The following COL5A1 variants were observed in gnomAD, a reference collection of about 807,000 sequenced individuals.
COL5A1 encodes collagen type V alpha 1 chain.
In COL5A1, 16 loss-of-function variants were observed where a neutral mutation model predicts 263.7. That is an observed-to-expected ratio of 0.06 (90% confidence interval 0.04 to 0.09). The LOEUF (loss-of-function observed/expected upper bound fraction) is 0.09, where lower values mean the gene tolerates loss of function less well. Among genes scored for constraint, COL5A1 ranks in the 10% least tolerant of loss-of-function variants. The probability of loss-of-function intolerance (pLI) is 1.00; values close to 1 mark genes in which losing one functional copy is unlikely to be tolerated. For synonymous variants in COL5A1, 1,012 were observed against 1,004.5 expected (o/e 1.01, Z -0.14); for missense variants, 2,036 against 2,540.5 (o/e 0.80, Z 4.27).
At chr9:134,811,196 C>A in intron 44 of COL5A1, 143 bp from the exon 45 acceptor site, 1 of 803,534 alleles carries the variant, frequency 1.2e-6, no homozygotes, top group Non-Finnish European at 2.2e-6. Flanking sequence ...AGGCTTGCAT[C>A]GTGGTGCAAG....
In COL5A1 at chr9:134,841,886, G is replaced by A. The variant is rs1485148607; in HGVS notation, c.5371-271G>A. ...TCCTGTGTGTGCCTCAGCCACCCCT[G>A]AAGCCTTGGGAGGGTCCTGTCGCCT... On this transcript the variant is annotated intron_variant, in intron 65 of 65. Coordinates refer to ENST00000371817, the MANE Select transcript of COL5A1 (RefSeq NM_000093.5). This position sits in a 1 kb window ranked among gnomAD's most constrained non-coding sequence, Gnocchi z 4.8. Among the ~76,000 whole-genome samples the A allele has an allele frequency of 6.6e-6, 1 of 152,116 alleles. No homozygotes were observed. Among genetic ancestry groups the A allele is most frequent in the East Asian group, 1.9e-4 (1 of 5,184 alleles).
At chr9:134,761,157 CGCAT>C (rs1564441693) in intron 18 of COL5A1, among the ~76,000 whole-genome samples, 19 of 145,520 alleles carry the variant, frequency 1.3e-4, no homozygotes, top group African/African-American at 4.8e-4. Flanking sequence ...GCCACGCACA[CGCAT>C]ACACACCTAT....
At chr9:134,816,354 A>G (rs551406401) in intron 52 of COL5A1, among the ~76,000 whole-genome samples, 1 of 150,582 alleles carries the variant, frequency 6.6e-6, no homozygotes, top group Admixed American at 6.6e-5. Flanking sequence ...CCTTACCTTG[A>G]CCGAGATCAC....
At position 134,841,954 on chromosome 9, in the gene COL5A1, A is replaced by G. The variant is rs1349496520; in HGVS notation, c.5371-203A>G. Reference sequence around the variant, plus strand: ...CCCCACCTCCGACCTGTGCAGGGGGACTCTTGGGACATCCACCGGGGTTAA... The same window carrying G: ...CCCCACCTCCGACCTGTGCAGGGGGGCTCTTGGGACATCCACCGGGGTTAA... On this transcript the variant is annotated intron_variant, in intron 65 of 65. Coordinates refer to ENST00000371817, the MANE Select transcript of COL5A1 (RefSeq NM_000093.5). The surrounding 1 kb of genome is among the most constrained non-coding windows in gnomAD (Gnocchi z 4.8). Among the ~76,000 whole-genome samples, 3 of 151,082 alleles carry G rather than the reference A, an allele frequency of 2.0e-5. No individual in the cohort carries two copies. Among genetic ancestry groups the G allele is most frequent in the African/African-American group, 4.9e-5 (2 of 40,996 alleles).
chr9:134,704,752 A>G (rs1371779769), intron 4 of COL5A1, among the ~76,000 whole-genome samples: 1 of 151,148 alleles, frequency 6.6e-6, no homozygotes, highest in Non-Finnish European at 1.5e-5. Flanking sequence ...AATGAAGTCC[A>G]GCAGGATCAG....
Position 134,812,692 on chromosome 9 carries a change from C to T in COL5A1, c.3832C>T (p.Pro1278Ser). The T allele has an allele frequency of 6.3e-7, 1 of 1,583,930 alleles. No homozygotes were observed. The highest frequency in any genetic ancestry group is 1.8e-5 in the Admixed American group (1 of 54,192). Residue 1278 changes from proline to serine, a missense_variant, in exon 48 of 66, where the codon CCT becomes TCT. Pro to Ser is a moderately conservative substitution (Grantham distance 74, BLOSUM62 -1). Around this residue, in one of 3 missense-constraint regions of COL5A1, gnomAD observed 1,078 missense variants for 1,521.4 expected, o/e 0.71. Transcript: ENST00000371817. ...AGGTCCCCCAGGTGGAATAGGAAAC[C>T]CTGGTGCAGTGGGAGAGAAGGTGAG... Reference protein sequence around the residue: ...PQGPPGGIGNPGAVGEKGEPG... With the variant: ...PQGPPGGIGNSGAVGEKGEPG...
rs1210654442 is a variant in COL5A1, at chr9:134,642,205, C to T, written c.18C>T (p.Arg6=). Reference sequence around the variant, plus strand: ...CCGCCGGCATGGACGTCCATACCCGCTGGAAAGCGCGCAGCGCGCTCCGCC... The same window carrying T: ...CCGCCGGCATGGACGTCCATACCCGTTGGAAAGCGCGCAGCGCGCTCCGCC... MDVHT[R]WKARSALRPG... is the part of the protein sequence containing the mutation. The change falls in exon 1 of 66, where the codon CGC becomes CGT. Residue 6 remains arginine (R), a synonymous_variant. Transcript: ENST00000371817. This position sits in a 1 kb window ranked among gnomAD's most constrained non-coding sequence, Gnocchi z 4.5. 1.5e-6 allele frequency: 2 copies of T among 1,306,096 alleles called. No homozygotes were observed. The highest frequency in any genetic ancestry group is 2.0e-6 in the Non-Finnish European group (2 of 1,025,462). The allele number at this position is 1,306,096 out of a possible 1,614,324, so 80.9% of individuals were successfully genotyped here. A position where few individuals can be genotyped will look rare whatever the true frequency, so the allele number is the denominator to read the frequency against.
rs777162668 is a variant in COL5A1 at position 134,820,235 on chromosome 9, G to A, written c.4554+12G>A. 10 of 1,602,644 alleles carry A rather than the reference G, an allele frequency of 6.2e-6. No homozygotes were observed. The highest frequency in any genetic ancestry group is 8.5e-6 in the Non-Finnish European group (10 of 1,170,146). On this transcript the variant is annotated intron_variant, in intron 58 of 65. Transcript: ENST00000371817. ...CTAAGGGAGAACAGGTGCGTGAGAT[G>A]GCACTTCTTGCATGTGGGCTGTCGA...
At chr9:134,649,271 T>C in intron 1 of COL5A1, 2 of 333,738 alleles carry the variant, frequency 6.0e-6, no homozygotes, top group South Asian at 4.9e-5. Flanking sequence ...CAGCTTCCTA[T>C]CAGCAGAGGA....
chr9:134,713,820 G>A (rs187322830), intron 4 of COL5A1, among the ~76,000 whole-genome samples: 3 of 152,278 alleles, frequency 2.0e-5, no homozygotes, highest in African/African-American at 7.2e-5. Flanking sequence ...AAAGAACTGG[G>A]GTCTGAACCC....
intron 18 of COL5A1, among the ~76,000 whole-genome samples, chr9:134,760,090 G>GCACACACA (rs1248190659): frequency 5.0e-4 from 16 of 31,888 alleles, no homozygotes; most frequent in African/African-American, 2.4e-3. Context: ...ACGCATACAC[G>GCACACACA]CCCACACACC....
At chr9:134,759,543 G>GCA (rs139856767) in intron 18 of COL5A1, among the ~76,000 whole-genome samples, 53,938 of 104,830 alleles carry the variant, frequency 0.51, 15,310 homozygotes, top group East Asian at 0.71. Context: ...CCACACATGC[G>GCA]CACACACACT....
chr9:134,840,486 C>T (rs1333871301), intron 65 of COL5A1, among the ~76,000 whole-genome samples: 1 of 152,198 alleles, frequency 6.6e-6, no homozygotes, highest in African/African-American at 2.4e-5. Context: ...TTATCCATTG[C>T]TTGTAATCAA....
chr9:134,761,408 A>T (rs1263375615), intron 18 of COL5A1, among the ~76,000 whole-genome samples: 1 of 152,194 alleles, frequency 6.6e-6, no homozygotes, highest in Non-Finnish European at 1.5e-5. Flanking sequence ...GTTGCCATTT[A>T]TCCAAAGCTG....
intron 4 of COL5A1, chr9:134,709,177 C>T (rs1418750560): frequency 5.1e-5 from 18 of 350,720 alleles, no homozygotes; most frequent in Non-Finnish European, 9.0e-5. Flanking sequence ...CCTACACCAG[C>T]GTGGAAAAGG....
intron 35 of COL5A1, 88 bp downstream of exon 35, chr9:134,796,506 C>G (rs1837915358): frequency 7.4e-7 from 1 of 1,356,986 alleles, no homozygotes; most frequent in Non-Finnish European, 1.1e-6. Flanking sequence ...GGGCTGGGGC[C>G]AGGGAGGCAC....
intron 24 of COL5A1, 111 bp downstream of exon 24, chr9:134,767,465 G>A: frequency 3.0e-6 from 3 of 1,005,470 alleles, no homozygotes; most frequent in South Asian, 1.4e-5. Flanking sequence ...ATATCTTGGT[G>A]CTCCCAAGAG....
chr9:134,710,598 A>G (rs1255519253), intron 4 of COL5A1, among the ~76,000 whole-genome samples: 3 of 4,654 alleles, frequency 6.4e-4, no homozygotes, highest in African/African-American at 8.8e-4. Flanking sequence ...GGGGGGGCCC[A>G]TTTGTTGGGT....
Position 134,758,310 on chromosome 9 carries a change from C to T in COL5A1, c.1935+14C>T. 1 of 1,613,680 alleles carries T rather than the reference C, an allele frequency of 6.2e-7. No individual in the cohort carries two copies. The highest frequency in any genetic ancestry group is 8.5e-7 in the Non-Finnish European group (1 of 1,179,662). ...AAGGGCCACAGGGTGAGTATTTCCTCTGTGAGACACAGGCATGACGATGGG... is the reference window on the plus strand; with the variant it reads ...AAGGGCCACAGGGTGAGTATTTCCTTTGTGAGACACAGGCATGACGATGGG... On this transcript the variant is annotated intron_variant, in intron 18 of 65. Coordinates refer to ENST00000371817, the MANE Select transcript of COL5A1 (RefSeq NM_000093.5). The surrounding 1 kb of genome is among the most constrained non-coding windows in gnomAD (Gnocchi z 4.1).
Sources: gnomAD v4.1 joint callset for allele counts (sites outside exome capture counted in the v4.1 genomes callset) on GRCh38, gnomAD v4.1.1 for gene constraint, gnomAD v4.1.1 regional missense constraint, Gnocchi (gnomAD v3.1) non-coding constraint, MANE v1.5 for transcripts, NCBI Gene and HGNC (gene_info 2026-07-23, HGNC 2026-07-21) for gene names.